The following RORA variants were observed in gnomAD, a reference collection of about 807,000 sequenced individuals.
The protein encoded by RORA is nuclear receptor ROR-alpha.
A neutral mutation model predicts 69.5 loss-of-function variants in RORA; 7 were observed. The observed-to-expected ratio is 0.10, with a 90% confidence interval of 0.06 to 0.19. The LOEUF (loss-of-function observed/expected upper bound fraction) is 0.19. RORA is among the 10% of genes least tolerant of loss of function. The pLI is 1.00. For missense variants in RORA, 457 were observed against 663.0 expected, an observed-to-expected ratio of 0.69 and a Z score of 3.41; for synonymous variants, 261 against 240.8, an observed-to-expected ratio of 1.08 and a Z score of -0.78.
intron 1 of RORA, among the ~76,000 whole-genome samples, chr15:61,108,268 A>G (rs2078970636): frequency 6.6e-6 from 1 of 152,236 alleles, no homozygotes; most frequent in South Asian, 2.1e-4. Flanking sequence ...AGTCAAATTC[A>G]GATTCTTAAG....
chr15:60,947,033 CCCGG>C (rs1566920766), intron 1 of RORA, among the ~76,000 whole-genome samples: 11 of 149,582 alleles, frequency 7.4e-5, no homozygotes, highest in Admixed American at 4.6e-4. Context: ...CCAGCCCCCG[CCCGG>C]CCAGCCGCCC....
At chr15:60,939,830 T>G (rs995544353) in intron 1 of RORA, among the ~76,000 whole-genome samples, 2 of 152,228 alleles carry the variant, frequency 1.3e-5, no homozygotes, top group African/African-American at 2.4e-5. Flanking sequence ...TTTTCCCTCC[T>G]CTTGCACTTA....
At chr15:61,046,632 T>C (rs1897042440) in intron 1 of RORA, among the ~76,000 whole-genome samples, 1 of 152,188 alleles carries the variant, frequency 6.6e-6, no homozygotes. Flanking sequence ...CTGACAAATG[T>C]TGCTTAATAT....
chr15:61,059,227 T>C (rs2140531000), intron 1 of RORA, among the ~76,000 whole-genome samples: 1 of 152,318 alleles, frequency 6.6e-6, no homozygotes, highest in South Asian at 2.1e-4. Context: ...GATGCCCCTA[T>C]GTAGGCAGAG....
intron 1 of RORA, among the ~76,000 whole-genome samples, chr15:61,161,954 AC>A (rs1429078277): frequency 1.3e-5 from 2 of 152,214 alleles, no homozygotes; most frequent in Non-Finnish European, 2.9e-5. Flanking sequence ...ATTTTTAATC[AC>A]GTGGCAAATG....
At chr15:61,120,727 T>G (rs965411476) in intron 1 of RORA, among the ~76,000 whole-genome samples, 3 of 149,704 alleles carry the variant, frequency 2.0e-5, no homozygotes, top group Non-Finnish European at 4.4e-5. Context: ...AAACATACCC[T>G]ACTTCAAAGG....
chr15:61,121,849 A>C (rs77483514), intron 1 of RORA, among the ~76,000 whole-genome samples: 1 of 65,302 alleles, frequency 1.5e-5, no homozygotes, highest in African/African-American at 5.3e-5. Flanking sequence ...GACTTCCTAT[A>C]AAAAAAAAAA....
chr15:60,892,918 T>C (rs1383230251), intron 1 of RORA, among the ~76,000 whole-genome samples: 1 of 152,238 alleles, frequency 6.6e-6, no homozygotes, highest in Non-Finnish European at 1.5e-5. Flanking sequence ...GATTCTATAA[T>C]GCACTTACGT....
chr15:60,826,497 A>T (rs2072959201), intron 1 of RORA, among the ~76,000 whole-genome samples: 1 of 152,164 alleles, frequency 6.6e-6, no homozygotes, highest in Admixed American at 6.5e-5. Flanking sequence ...AGCCCAGGCC[A>T]TTGCAATGCT....
At position 60,592,727 on chromosome 15, in the gene RORA, T is replaced by C. The variant is rs963226535; in HGVS notation, c.197-60876A>G. 1.3e-5 allele frequency: 14 copies of C among 1,081,746 alleles called. No individual in the cohort carries two copies. In the African/African-American group the frequency reaches 2.3e-4, roughly 17 times the overall value. 67.0% of individuals were successfully genotyped at this position (1,081,746 alleles called of 1,614,324 possible). On this transcript the variant is annotated intron_variant, in intron 2 of 10. Transcript: ENST00000335670. ...AGGTGAGTAGCAGCGGCGGCTCTGC[T>C]GGCCCACCCCGGCCGGGCCTGCCCT...
chr15:60,511,343 C>G lies in RORA; in HGVS notation c.703G>C (p.Asp235His). ...IQPSPDQSGL[D>H]INGIKPEPIC... ...GGTTCTGGTTTGATTCCATTGATAT[C>G]AAGACCTGACTGGTCTGGGGAAGGC... Residue 235 changes from aspartate (D) to histidine (H), a missense_variant, in exon 5 of 11, where the codon GAT becomes CAT. By Grantham distance (81) the Asp-to-His change is moderately conservative (BLOSUM62 -1). Around this residue, in one of 3 missense-constraint regions of RORA, gnomAD observed 304 missense variants for 447.4 expected, o/e 0.68. Coordinates refer to ENST00000335670, the MANE Select transcript of RORA (RefSeq NM_134261.3). This position sits in a 1 kb window ranked among gnomAD's most constrained non-coding sequence, Gnocchi z 6.4. 6.2e-7 allele frequency: 1 copy of G among 1,614,214 alleles called. No homozygotes were observed.
At chr15:60,680,095 A>G (rs986594961) in intron 1 of RORA, among the ~76,000 whole-genome samples, 3 of 152,236 alleles carry the variant, frequency 2.0e-5, no homozygotes, top group Non-Finnish European at 4.4e-5. Context: ...CCCCAGCAGC[A>G]GCAGGGAGTA....
intron 2 of RORA, among the ~76,000 whole-genome samples, chr15:60,582,486 C>T (rs1034038317): frequency 1.3e-5 from 2 of 152,164 alleles, no homozygotes; most frequent in African/African-American, 4.8e-5. Flanking sequence ...TTTAACCTGA[C>T]AATTATTGCA....
chr15:60,619,067 T>G (rs944458576), intron 2 of RORA, among the ~76,000 whole-genome samples: 1 of 152,204 alleles, frequency 6.6e-6, no homozygotes, highest in Non-Finnish European at 1.5e-5. Flanking sequence ...GCAAACACAG[T>G]TACACTAATG....
At chr15:60,787,916 G>T (rs1056732591) in intron 1 of RORA, among the ~76,000 whole-genome samples, 3 of 152,222 alleles carry the variant, frequency 2.0e-5, no homozygotes, top group Admixed American at 1.3e-4. Context: ...ATTGTGCTGG[G>T]CACCCTTGTG....
At chr15:61,162,744 C>T (rs756060920) in intron 1 of RORA, among the ~76,000 whole-genome samples, 1 of 152,150 alleles carries the variant, frequency 6.6e-6, no homozygotes, top group Non-Finnish European at 1.5e-5. Context: ...AATGAAGTTT[C>T]CCAACACACA....
In RORA at chr15:60,763,065, A is replaced by ATTTTTTTTTTTTTTTTTTTTT; in HGVS notation, c.167-84400_167-84380dup. Among the ~76,000 whole-genome samples, 54 of 48,368 alleles carry ATTTTTTTTTTTTTTTTTTTTT rather than the reference A, an allele frequency of 1.1e-3. 7 individuals carry two copies. The highest frequency in any genetic ancestry group is 4.1e-3 in the East Asian group (6 of 1,446). 31.7% of individuals were successfully genotyped at this position (48,368 alleles called of 152,430 possible). A position where few individuals can be genotyped will look rare whatever the true frequency, so the allele number is the denominator to read the frequency against. On this transcript the variant is annotated intron_variant, in intron 1 of 10. Transcript: ENST00000335670. ...AAAGTACTGTTTCCAATATGCACAG[A>ATTTTTTTTTTTTTTTTTTTTT]TTTTTTTTTTTTTTTTTTTTTTTTT...
chr15:60,825,946 C>T (rs747177153), intron 1 of RORA, among the ~76,000 whole-genome samples: 5 of 152,164 alleles, frequency 3.3e-5, no homozygotes, highest in Non-Finnish European at 7.3e-5. Context: ...TAAATATATT[C>T]CTTTGGGCTT....
intron 1 of RORA, among the ~76,000 whole-genome samples, chr15:60,992,508 G>A (rs1243431704): frequency 1.3e-5 from 2 of 152,162 alleles, no homozygotes; most frequent in African/African-American, 4.8e-5. Context: ...GTCAAGACTA[G>A]ATCTTCCTAT....
Sources: allele counts gnomAD v4.1 joint callset (sites outside exome capture counted in the v4.1 genomes callset), GRCh38; gene constraint gnomAD v4.1.1; regional missense constraint gnomAD v4.1.1; non-coding constraint Gnocchi (gnomAD v3.1); transcripts MANE v1.5; gene names NCBI Gene and HGNC (gene_info 2026-07-23, HGNC 2026-07-21).